Variants in DHX34 observed in about 807,000 individuals in gnomAD.
The protein encoded by DHX34 is DExH-box helicase 34.
In DHX34, 96 loss-of-function variants were observed where a neutral mutation model predicts 111.1. That is an observed-to-expected ratio of 0.86 (90% CI 0.73 to 1.02). The LOEUF (loss-of-function observed/expected upper bound fraction) is 1.02, where lower values mean the gene tolerates loss of function less well. Among genes scored for constraint, DHX34 ranks in the 50% least tolerant of loss-of-function variants. DHX34 has a pLI of 0.00. For synonymous variants in DHX34, 688 were observed against 670.4 expected, an observed-to-expected ratio of 1.03 and a Z score of -0.41; for missense variants, 1,560 against 1,579.9, an observed-to-expected ratio of 0.99 and a Z score of 0.21.
rs1175493979 is a variant in DHX34 at position 47,357,945 on chromosome 19, T to G, written c.1097T>G (p.Leu366Arg). 1 of 1,613,906 alleles carries G rather than the reference T, an allele frequency of 6.2e-7. No homozygotes were observed. The highest frequency in any genetic ancestry group is 8.5e-7 in the Non-Finnish European group (1 of 1,180,052). ...GACCCGCGGCCTTTCCTGAGGGTGC[T>G]GGAGTCCATTGACCACAAGTACCCG... is the stretch of plus-strand genomic sequence containing the variant. ...KLDPRPFLRVLESIDHKYPPE... is the reference protein window; with the variant it reads ...KLDPRPFLRVRESIDHKYPPE... Residue 366 changes from leucine to arginine, a missense_variant, in exon 4 of 17, where the codon CTG becomes CGG. Coordinates refer to ENST00000328771, the MANE Select transcript of DHX34 (RefSeq NM_014681.6).
intron 9 of DHX34, among the ~76,000 whole-genome samples, chr19:47,374,956 G>A (rs1426659533): frequency 3.9e-5 from 6 of 152,158 alleles, no homozygotes; most frequent in Non-Finnish European, 8.8e-5. Flanking sequence ...GTGGGCACGG[G>A]GAGGGCAGGG....
Position 47,353,965 on chromosome 19 carries a change from T to C in DHX34, c.705+230T>C, listed in dbSNP as rs2122216623. On this transcript the variant is annotated intron_variant, in intron 2 of 16. Transcript: ENST00000328771. This position sits in a 1 kb window ranked among gnomAD's most constrained non-coding sequence, Gnocchi z 4.6. ...AAACAATGGGAAATGTCCTAAAGGCTCATCACTTTTTTTTTGAGACGGAGT... is the reference window on the plus strand; with the variant it reads ...AAACAATGGGAAATGTCCTAAAGGCCCATCACTTTTTTTTTGAGACGGAGT... Among the ~76,000 whole-genome samples, 1 of 152,176 alleles carries C rather than the reference T, an allele frequency of 6.6e-6. No homozygotes were observed. The highest frequency in any genetic ancestry group is 2.1e-4 in the South Asian group (1 of 4,812).
In DHX34 at chr19:47,375,958, A is replaced by G. The variant is rs1399190920; in HGVS notation, c.2342A>G (p.Gln781Arg). 7 of 1,601,530 alleles carry G rather than the reference A, an allele frequency of 4.4e-6. No individual in the cohort carries two copies. The highest frequency in any genetic ancestry group is 2.2e-5 in the South Asian group (2 of 89,756). ...TTCAAGCTTCGGCATGACCTGGCGC[A>G]GCTGCAGGCCGCTGCCAGCTCAGCC... The part of the protein sequence containing the change: ...VKFKLRHDLA[Q>R]LQAAASSAQD... The change falls in exon 11 of 17, where the codon CAG becomes CGG. Residue 781 changes from glutamine to arginine, a missense_variant. Coordinates refer to ENST00000328771, the MANE Select transcript of DHX34 (RefSeq NM_014681.6).
At chr19:47,354,583 A>G (rs913407731) in intron 2 of DHX34, among the ~76,000 whole-genome samples, 10 of 152,188 alleles carry the variant, frequency 6.6e-5, no homozygotes, top group Non-Finnish European at 1.2e-4. Flanking sequence ...CAGAGGTGAG[A>G]TTCAAACCCA....
chr19:47,374,105 CTG>C (rs1303358994), intron 9 of DHX34, among the ~76,000 whole-genome samples: 1 of 152,136 alleles, frequency 6.6e-6, no homozygotes, highest in African/African-American at 2.4e-5. Context: ...CTGCTTGTCT[CTG>C]GGCCTCAGCT....
At chr19:47,376,270 C>A in intron 11 of DHX34, 173 bp downstream of exon 11, 1 of 1,444,956 alleles carries the variant, frequency 6.9e-7, no homozygotes, top group Non-Finnish European at 9.2e-7. Context: ...GTGGGCAGGG[C>A]TTGGGGAGTC....
At chr19:47,349,876 A>G (rs926426720) in intron 1 of DHX34, among the ~76,000 whole-genome samples, 6 of 152,298 alleles carry the variant, frequency 3.9e-5, no homozygotes, top group African/African-American at 1.4e-4. Flanking sequence ...GAAGAACCCC[A>G]CAAAAGCTGG....
rs140016792 is a variant in DHX34, at chr19:47,367,685, C to G, written c.1768+530C>G. Among the ~76,000 whole-genome samples, 1,186 of 152,116 alleles carry G rather than the reference C, an allele frequency of 7.8e-3. 22 individuals are homozygous for G. The highest frequency in any genetic ancestry group is 0.027 in the African/African-American group (1,119 of 41,476). On this transcript the variant is annotated intron_variant, in intron 7 of 16. Coordinates refer to ENST00000328771, the MANE Select transcript of DHX34 (RefSeq NM_014681.6). ...CAGGTAGATCACGAGGTCAGCAGTT[C>G]GAGACCAGCCTGGCCAACATGGTGA...
Position 47,375,379 on chromosome 19 carries a change from C to T in DHX34, c.2065-87C>T, listed in dbSNP as rs983745889. On this transcript the variant is annotated intron_variant, in intron 9 of 16. Transcript: ENST00000328771. ...TCAGCCCCCTTTGGGCACTAGCAGCCCTGCCACTGGGAGGGTCCCCATTTC... is the reference window on the plus strand; with the variant it reads ...TCAGCCCCCTTTGGGCACTAGCAGCTCTGCCACTGGGAGGGTCCCCATTTC... The T allele has an allele frequency of 1.7e-5, 24 of 1,449,428 alleles. 1 individual carries two copies. The East Asian group carries it at 2.8e-4, about 17-fold the overall frequency. 89.8% of individuals were successfully genotyped at this position (1,449,428 alleles called of 1,614,324 possible).
intron 10 of DHX34, 69 bp downstream of exon 10, chr19:47,375,777 C>T: frequency 1.3e-6 from 2 of 1,562,540 alleles, no homozygotes; most frequent in South Asian, 1.2e-5. Context: ...GGGGGGGTCC[C>T]AGGGGACATG....
intron 13 of DHX34, 66 bp from the exon 14 acceptor site, chr19:47,379,644 G>A: frequency 6.6e-7 from 1 of 1,524,666 alleles, no homozygotes; most frequent in South Asian, 1.3e-5. Flanking sequence ...CAGCCGGGCA[G>A]GGCCTGTCTC....
chr19:47,357,943 G>A lies in DHX34; in HGVS notation c.1095G>A (p.Val365=). Residue 365 remains valine (V), a synonymous_variant, in exon 4 of 17, where the codon GTG becomes GTA. Coordinates refer to ENST00000328771, the MANE Select transcript of DHX34 (RefSeq NM_014681.6). ...EKLDPRPFLR[V]LESIDHKYPP... The stretch of plus-strand genomic sequence containing the variant: ...TGGACCCGCGGCCTTTCCTGAGGGT[G>A]CTGGAGTCCATTGACCACAAGTACC... The A allele has an allele frequency of 3.1e-6, 5 of 1,614,030 alleles. No individual in the cohort carries two copies. Among genetic ancestry groups the A allele is most frequent in the Non-Finnish European group, 4.2e-6 (5 of 1,180,044 alleles).
At chr19:47,374,436 CAAAAAAA>C (rs35585186) in intron 9 of DHX34, among the ~76,000 whole-genome samples, 7 of 103,642 alleles carry the variant, frequency 6.8e-5, no homozygotes, top group African/African-American at 1.3e-4. Flanking sequence ...AAACTCCACT[CAAAAAAA>C]AAAAAAAAAA....
Position 47,375,924 on chromosome 19 carries a change from G to T in DHX34, c.2308G>T (p.Asp770Tyr), listed in dbSNP as rs1019566690. The T allele has an allele frequency of 2.5e-6, 4 of 1,601,332 alleles. No individual in the cohort carries two copies. The African/African-American group carries it at 4.1e-5, about 16-fold the overall frequency. The change falls in exon 11 of 17, where the codon GAT (aspartate) becomes TAT (tyrosine). Residue 770 changes from aspartate (D) to tyrosine (Y), a missense_variant and splice_region_variant. Transcript: ENST00000328771. ...PGASDGVDIQDVKFKLRHDLA... is the reference protein window; with the variant it reads ...PGASDGVDIQYVKFKLRHDLA... ...CTCTGCCTCCCCGTGCTCCCCCCAG[G>T]ATGTGAAGTTCAAGCTTCGGCATGA...
At chr19:47,363,676 G>A (rs1969700984) in intron 6 of DHX34, among the ~76,000 whole-genome samples, 1 of 151,936 alleles carries the variant, frequency 6.6e-6, no homozygotes, top group Admixed American at 6.6e-5. Flanking sequence ...AAATTAGCCG[G>A]GTGTGGTGGT....
intron 2 of DHX34, among the ~76,000 whole-genome samples, chr19:47,354,276 T>C (rs1336729676): frequency 1.3e-5 from 2 of 152,158 alleles, no homozygotes; most frequent in Non-Finnish European, 2.9e-5. Context: ...AGGGTAATTC[T>C]TGACGATCAC....
rs775100544 is a variant in DHX34, at chr19:47,379,976, G to A, written c.2973G>A (p.Thr991=). The change falls in exon 14 of 17, where the codon ACG becomes ACA. Residue 991 remains threonine (T), a synonymous_variant. Coordinates refer to ENST00000328771, the MANE Select transcript of DHX34 (RefSeq NM_014681.6). The part of the protein sequence containing the change: ...ATLSKELLQF[T]ASKIPYSLRR... ...TGAGCAAGGAACTCCTGCAATTCAC[G>A]GCATCCAAGGTACCCTCCACCAGGG... 1.8e-5 allele frequency: 28 copies of A among 1,584,176 alleles called. No individual in the cohort carries two copies. The highest frequency in any genetic ancestry group is 2.3e-5 in the East Asian group (1 of 44,128).
At chr19:47,361,669 C>T (rs1198716351) in intron 5 of DHX34, among the ~76,000 whole-genome samples, 1 of 151,932 alleles carries the variant, frequency 6.6e-6, no homozygotes, top group African/African-American at 2.4e-5. Context: ...ATCCCAGCTA[C>T]TCAGGAGGCT....
rs199664950 is a variant in DHX34 at position 47,379,842 on chromosome 19, C to T, written c.2839C>T (p.Arg947Cys). 9.9e-6 allele frequency: 16 copies of T among 1,613,822 alleles called. No individual in the cohort carries two copies. The highest frequency in any genetic ancestry group is 5.5e-5 in the South Asian group (5 of 91,078). ...ACTCCTGGCGGCTTCCCTGCGGCTCCGTGCCCGCTGGGAAAGTGCCCTGGA... is the reference window on the plus strand; with the variant it reads ...ACTCCTGGCGGCTTCCCTGCGGCTCTGTGCCCGCTGGGAAAGTGCCCTGGA... ...IRLLAASLRL[R>C]ARWESALDRQ... The change falls in exon 14 of 17, where the codon CGT becomes TGT. Residue 947 changes from arginine to cysteine, a missense_variant. Physicochemically the swap from Arg to Cys is radical, Grantham distance 180. Transcript: ENST00000328771.
Sources: gnomAD v4.1 joint callset for allele counts (sites outside exome capture counted in the v4.1 genomes callset) on GRCh38, gnomAD v4.1.1 for gene constraint, Gnocchi (gnomAD v3.1) non-coding constraint, MANE v1.5 for transcripts, NCBI Gene and HGNC (gene_info 2026-07-23, HGNC 2026-07-21) for gene names.